Variants in FERMT2 observed in about 807,000 individuals in gnomAD.
FERMT2 encodes fermitin family homolog 2.
Under a neutral mutation model 82.7 loss-of-function variants are expected in FERMT2, and 15 were observed. That is an observed-to-expected ratio of 0.18 (90% CI 0.12 to 0.28). The LOEUF (loss-of-function observed/expected upper bound fraction) is 0.28. Among genes scored for constraint, FERMT2 ranks in the 10% least tolerant of loss-of-function variants. FERMT2 has a pLI of 1.00. For synonymous variants in FERMT2, 274 were observed against 271.5 expected (o/e 1.01, Z -0.09); for missense variants, 645 against 809.4 (o/e 0.80, Z 2.46).
At chr14:52,912,886 T>C (rs1000650793) in intron 3 of FERMT2, among the ~76,000 whole-genome samples, 1 of 152,198 alleles carries the variant, frequency 6.6e-6, no homozygotes, top group African/African-American at 2.4e-5. Flanking sequence ...ATTTTTTTCC[T>C]CTTATTCATT....
chr14:52,858,238 T>G lies in FERMT2; in HGVS notation c.*139A>C. On this transcript the variant is annotated 3_prime_UTR_variant, in exon 15 of 15. Transcript: ENST00000341590. ...AGTCGTGCTTGTTTAGTGCACATAT[T>G]AACTGGTCTGGTAAGGCAAAGAAGT... is the stretch of plus-strand genomic sequence containing the variant. The G allele has an allele frequency of 1.5e-6, 1 of 680,744 alleles. No homozygotes were observed. The highest frequency in any genetic ancestry group is 1.9e-5 in the South Asian group (1 of 51,868). The allele number at this position is 680,744 out of a possible 1,614,324, so 42.2% of individuals were successfully genotyped here.
At chr14:52,933,573 G>A (rs1489329601) in intron 2 of FERMT2, among the ~76,000 whole-genome samples, 1 of 151,810 alleles carries the variant, frequency 6.6e-6, no homozygotes, top group Non-Finnish European at 1.5e-5. Context: ...AGCCGGGCAT[G>A]GTGGCACATG....
chr14:52,946,360 T>TAAAA (rs527900617), intron 2 of FERMT2, among the ~76,000 whole-genome samples: 22 of 143,676 alleles, frequency 1.5e-4, no homozygotes, highest in Admixed American at 7.6e-4. Context: ...TGTCTTTGAT[T>TAAAA]AAAAAAAAAA....
chr14:52,946,964 T>C (rs1890384754), intron 2 of FERMT2, among the ~76,000 whole-genome samples: 1 of 152,162 alleles, frequency 6.6e-6, no homozygotes, highest in African/African-American at 2.4e-5. Flanking sequence ...TGAGCCACCG[T>C]ACCCAACCTA....
intron 2 of FERMT2, among the ~76,000 whole-genome samples, chr14:52,936,390 G>A (rs1463832899): frequency 6.6e-6 from 1 of 152,156 alleles, no homozygotes; most frequent in East Asian, 1.9e-4. Flanking sequence ...TATTTTATAT[G>A]AAACTGATGA....
At chr14:52,886,873 A>G (rs1255569508) in intron 4 of FERMT2, among the ~76,000 whole-genome samples, 1 of 152,192 alleles carries the variant, frequency 6.6e-6, no homozygotes, top group Admixed American at 6.5e-5. Flanking sequence ...CTTAATTTTA[A>G]TACATTTTTT....
At chr14:52,884,758 T>A (rs1264584289) in intron 4 of FERMT2, among the ~76,000 whole-genome samples, 1 of 152,018 alleles carries the variant, frequency 6.6e-6, no homozygotes, top group Non-Finnish European at 1.5e-5. Context: ...CCCAGCACTT[T>A]GGGAGGCCGA....
chr14:52,935,053 T>C (rs770063291), intron 2 of FERMT2, among the ~76,000 whole-genome samples: 21 of 152,194 alleles, frequency 1.4e-4, no homozygotes, highest in Admixed American at 7.9e-4. Flanking sequence ...TCTTAGTTAA[T>C]GTATAAAGTT....
At chr14:52,892,180 T>G (rs1333886508) in intron 4 of FERMT2, among the ~76,000 whole-genome samples, 1 of 150,020 alleles carries the variant, frequency 6.7e-6, no homozygotes, top group Non-Finnish European at 1.5e-5. Context: ...TTTTTTTTTT[T>G]TTTTTTTGAG....
At chr14:52,865,833 C>T (rs1234364352) in intron 10 of FERMT2, among the ~76,000 whole-genome samples, 1 of 152,160 alleles carries the variant, frequency 6.6e-6, no homozygotes, top group East Asian at 1.9e-4. Flanking sequence ...AAAAAGAACA[C>T]TTTAGATAAA....
At chr14:52,930,529 A>G (rs1889516341) in intron 2 of FERMT2, among the ~76,000 whole-genome samples, 1 of 152,192 alleles carries the variant, frequency 6.6e-6, no homozygotes, top group Non-Finnish European at 1.5e-5. Flanking sequence ...GGATGGGGTA[A>G]GAAAGGGAAT....
At chr14:52,924,571 G>C (rs891454795) in intron 2 of FERMT2, among the ~76,000 whole-genome samples, 1 of 152,106 alleles carries the variant, frequency 6.6e-6, no homozygotes, top group East Asian at 1.9e-4. Flanking sequence ...GTGGTGATGG[G>C]GGTATGCAAG....
chr14:52,912,616 T>C (rs1566746203), intron 3 of FERMT2, among the ~76,000 whole-genome samples: 1 of 151,970 alleles, frequency 6.6e-6, no homozygotes. Flanking sequence ...TTCAAGCGAT[T>C]CTCCTGCCTC....
At chr14:52,880,556 G>A (rs1886229972) in intron 6 of FERMT2, among the ~76,000 whole-genome samples, 1 of 152,064 alleles carries the variant, frequency 6.6e-6, no homozygotes, top group African/African-American at 2.4e-5. Flanking sequence ...GTGCCACCAT[G>A]CGTGGCTAGT....
intron 3 of FERMT2, among the ~76,000 whole-genome samples, chr14:52,912,528 T>TTG (rs1217496538): frequency 6.6e-6 from 1 of 151,322 alleles, no homozygotes; most frequent in Non-Finnish European, 1.5e-5. Flanking sequence ...TTTTTTTTTT[T>TTG]GAGACAGAGT....
At chr14:52,945,280 C>T (rs1890286769) in intron 2 of FERMT2, among the ~76,000 whole-genome samples, 1 of 151,308 alleles carries the variant, frequency 6.6e-6, no homozygotes. Flanking sequence ...GGGACGGAAT[C>T]TCGCTCATCA....
At chr14:52,909,803 C>G (rs113077742) in intron 3 of FERMT2, among the ~76,000 whole-genome samples, 1,885 of 152,154 alleles carry the variant, frequency 0.012, 39 homozygotes, top group African/African-American at 0.042. Flanking sequence ...GCCTGTTATC[C>G]CAGCACTTTG....
intron 2 of FERMT2, among the ~76,000 whole-genome samples, chr14:52,944,711 G>C (rs553455402): frequency 1.3e-5 from 2 of 152,270 alleles, no homozygotes; most frequent in South Asian, 4.1e-4. Context: ...GGGATTTTTA[G>C]TGGTAACTTT....
At chr14:52,883,446 T>A (rs1473984758) in intron 4 of FERMT2, among the ~76,000 whole-genome samples, 1 of 152,166 alleles carries the variant, frequency 6.6e-6, no homozygotes, top group East Asian at 1.9e-4. Flanking sequence ...TGCATGTAGA[T>A]AAAGTGTGAA....
Sources: allele counts gnomAD v4.1 joint callset (sites outside exome capture counted in the v4.1 genomes callset), GRCh38; gene constraint gnomAD v4.1.1; transcripts MANE v1.5; gene names NCBI Gene and HGNC (gene_info 2026-07-23, HGNC 2026-07-21).